The following AKT1S1 variants were observed in gnomAD, a reference collection of about 807,000 sequenced individuals.
The protein encoded by AKT1S1 is proline-rich AKT1 substrate 1.
AKT1S1 carries 17 observed loss-of-function variants against 21.2 expected under a neutral mutation model. That is an observed-to-expected ratio of 0.80 (90% CI 0.55 to 1.20). The LOEUF is 1.20. AKT1S1 is among the 50% of genes most tolerant of loss of function. AKT1S1 has a pLI of 0.00. For synonymous variants in AKT1S1, 181 were observed against 165.6 expected, an observed-to-expected ratio of 1.09 and a Z score of -0.72; for missense variants, 366 against 368.3, an observed-to-expected ratio of 0.99 and a Z score of 0.05.
At position 49,872,909 on chromosome 19, in the gene AKT1S1, C is replaced by A; in HGVS notation, c.379+8G>T. On this transcript the variant is annotated splice_region_variant and intron_variant, in intron 2 of 4. Coordinates refer to ENST00000344175, the MANE Select transcript of AKT1S1 (RefSeq NM_001098633.4). ...GGGCCGCACCCGCCCCTGCCCCCACCCTCTCACCTCCATTATCACTAATGC... is the reference window on the plus strand; with the variant it reads ...GGGCCGCACCCGCCCCTGCCCCCACACTCTCACCTCCATTATCACTAATGC... 6.3e-7 allele frequency: 1 copy of A among 1,596,174 alleles called. No homozygotes were observed. Among genetic ancestry groups the A allele is most frequent in the Non-Finnish European group, 8.5e-7 (1 of 1,177,622 alleles).
At position 49,873,321 on chromosome 19, in the gene AKT1S1, CAG is replaced by C. The variant is rs2074907632; in HGVS notation, c.-7-21_-7-20del. On this transcript the variant is annotated intron_variant, in intron 1 of 4. Coordinates refer to ENST00000344175, the MANE Select transcript of AKT1S1 (RefSeq NM_001098633.4). The surrounding 1 kb of genome is among the most constrained non-coding windows in gnomAD (Gnocchi z 6.9). Reference sequence around the variant, plus strand: ...CCGCGCCCTGCGGGCCAGAGCAGGACAGAGGGGGCTGAGGCTTGGCGGCCTAC... The same window carrying C: ...CCGCGCCCTGCGGGCCAGAGCAGGACAGGGGGCTGAGGCTTGGCGGCCTAC... 16 of 1,436,172 alleles carry C rather than the reference CAG, an allele frequency of 1.1e-5. No individual in the cohort carries two copies. Among genetic ancestry groups the C allele is most frequent in the Non-Finnish European group, 1.4e-5 (16 of 1,106,434 alleles). 89.0% of individuals were successfully genotyped at this position (1,436,172 alleles called of 1,614,324 possible). A position where few individuals can be genotyped will look rare whatever the true frequency, so the allele number is the denominator to read the frequency against.
In AKT1S1 at chr19:49,869,735, T is replaced by C. The variant is rs1052142053; in HGVS notation, c.*182A>G. 4.6e-6 allele frequency: 3 copies of C among 645,800 alleles called. No individual in the cohort carries two copies. The highest frequency in any genetic ancestry group is 3.8e-5 in the African/African-American group (2 of 52,180). 40.0% of individuals were successfully genotyped at this position (645,800 alleles called of 1,614,324 possible). The stretch of plus-strand genomic sequence containing the variant: ...CGGGAAACGGGACAGATGCCGCTCC[T>C]CGGCGCGGCAGGTCGTGGGCTGGAA... On this transcript the variant is annotated 3_prime_UTR_variant, in exon 5 of 5. Transcript: ENST00000344175.
upstream of AKT1S1, chr19:49,877,860 G>A (rs909921849): frequency 8.4e-6 from 11 of 1,303,174 alleles, no homozygotes; most frequent in Non-Finnish European, 1.2e-5. Context: ...GGCAAACACC[G>A]ATCTCTTATA....
In AKT1S1 at chr19:49,871,825, G is replaced by C. The variant is rs760629319; in HGVS notation, c.444C>G (p.Pro148=). 2.5e-6 allele frequency: 4 copies of C among 1,611,726 alleles called. No homozygotes were observed. Among genetic ancestry groups the C allele is most frequent in the East Asian group, 2.2e-5 (1 of 44,854 alleles). Residue 148 remains proline (P), a synonymous_variant, in exon 3 of 5, where the codon CCC becomes CCG. Transcript: ENST00000344175. The part of the protein sequence containing the change: ...QDLPPFCESD[P]ESTDDGSLSE... ...TGGGACACTCACCATCTGTACTCTCGGGGTCTGACTCACAGAAGGGGGGAA... is the reference window on the plus strand; with the variant it reads ...TGGGACACTCACCATCTGTACTCTCCGGGTCTGACTCACAGAAGGGGGGAA...
At chr19:49,875,747 T>C (rs962592288) in intron 1 of AKT1S1, 81 of 598,822 alleles carry the variant, frequency 1.4e-4, no homozygotes, top group Non-Finnish European at 1.7e-4. Flanking sequence ...TTGTGAGGGC[T>C]CCCCCAACTC....
intron 4 of AKT1S1, among the ~76,000 whole-genome samples, chr19:49,870,868 T>C (rs2074876041): frequency 6.6e-6 from 1 of 152,180 alleles, no homozygotes; most frequent in African/African-American, 2.4e-5. Context: ...CACTGCTTCA[T>C]TGAGGGAGGA....
upstream of AKT1S1, chr19:49,878,054 G>A: frequency 2.7e-6 from 3 of 1,100,742 alleles, no homozygotes; most frequent in South Asian, 1.5e-5. Flanking sequence ...GCCCCCTGAG[G>A]GTGGCTCCTC....
chr19:49,875,755 C>T (rs185785898), intron 1 of AKT1S1: 2 of 740,830 alleles, frequency 2.7e-6, no homozygotes, highest in Non-Finnish European at 3.3e-6. Flanking sequence ...GCTCCCCCAA[C>T]TCAGGAGACA....
At chr19:49,871,418 C>T in intron 4 of AKT1S1, 129 bp downstream of exon 4, 1 of 1,296,974 alleles carries the variant, frequency 7.7e-7, no homozygotes, top group Non-Finnish European at 1.1e-6. Flanking sequence ...GAACTCGCCT[C>T]TTGAGGTTGA....
chr19:49,872,643 G>C (rs1012616299), intron 2 of AKT1S1, among the ~76,000 whole-genome samples: 2 of 152,144 alleles, frequency 1.3e-5, no homozygotes, highest in African/African-American at 4.8e-5. Flanking sequence ...TGGCTAGACC[G>C]GGAGCCCCTT....
upstream of AKT1S1, chr19:49,878,099 C>A: frequency 6.7e-7 from 1 of 1,490,654 alleles, no homozygotes; most frequent in South Asian, 1.2e-5. Context: ...CCAGGCTGGT[C>A]CCCTCGCTTG....
At chr19:49,870,111 G>C in intron 4 of AKT1S1, 51 bp from the exon 5 acceptor site, 1 of 1,442,572 alleles carries the variant, frequency 6.9e-7, no homozygotes, top group Non-Finnish European at 9.1e-7. Flanking sequence ...CAATCCCCCT[G>C]CACCCACACG....
At chr19:49,876,128 C>A (rs2059363355) in intron 1 of AKT1S1, 2 of 991,386 alleles carry the variant, frequency 2.0e-6, no homozygotes, top group Non-Finnish European at 1.2e-6. Flanking sequence ...ATGTGAGGAA[C>A]CTGAGCATGA....
chr19:49,877,756 G>A, upstream of AKT1S1: 2 of 1,590,722 alleles, frequency 1.3e-6, no homozygotes, highest in African/African-American at 2.7e-5. Flanking sequence ...TAAGCACTGA[G>A]GACGCATTCC....
chr19:49,872,880 C>T (rs778142135), intron 2 of AKT1S1, 37 bp downstream of exon 2: 27 of 1,572,548 alleles, frequency 1.7e-5, no homozygotes, highest in African/African-American at 5.4e-5. Context: ...GCACCTCAAG[C>T]GCTGGGCCGC....
At chr19:49,878,036 C>A (rs1047641944), upstream of AKT1S1, 46 of 959,518 alleles carry the variant, frequency 4.8e-5, no homozygotes, top group African/African-American at 7.0e-4. Context: ...AATGGCCCTC[C>A]CGGCCCCGCC....
chr19:49,876,654 A>G (rs2074949644), intron 1 of AKT1S1: 1 of 1,499,036 alleles, frequency 6.7e-7, no homozygotes, highest in Non-Finnish European at 8.9e-7. Context: ...CTCAAAAGAC[A>G]TGGCGGCGCC....
intron 4 of AKT1S1, 90 bp from the exon 5 acceptor site, chr19:49,870,150 C>T: frequency 7.6e-7 from 1 of 1,312,062 alleles, no homozygotes; most frequent in South Asian, 1.9e-5. Context: ...GGGCTCCAAG[C>T]CCACTTCTAG....
chr19:49,876,816 G>T, intron 1 of AKT1S1: 1 of 738,296 alleles, frequency 1.4e-6, no homozygotes, highest in Non-Finnish European at 2.0e-6. Context: ...AAATGGCCCC[G>T]CCTAGAGCAT....
Sources: allele counts gnomAD v4.1 joint callset (sites outside exome capture counted in the v4.1 genomes callset), GRCh38; gene constraint gnomAD v4.1.1; non-coding constraint Gnocchi (gnomAD v3.1); transcripts MANE v1.5; gene names NCBI Gene and HGNC (gene_info 2026-07-23, HGNC 2026-07-21).